The following PIK3CA variants were observed in gnomAD, a reference collection of about 807,000 sequenced individuals.
PIK3CA encodes phosphatidylinositol-4,5-bisphosphate 3-kinase catalytic subunit alpha.
In PIK3CA, 27 loss-of-function variants were observed where a neutral mutation model predicts 138.2. The ratio of observed to expected loss-of-function variants is 0.20; its 90% CI spans 0.14 to 0.27. PIK3CA has a LOEUF of 0.27. PIK3CA is among the 10% of genes least tolerant of loss of function. The probability of loss-of-function intolerance (pLI) is 1.00; values close to 1 mark genes in which losing one functional copy is unlikely to be tolerated. For synonymous variants in PIK3CA, 358 were observed against 413.2 expected, an observed-to-expected ratio of 0.87 and a Z score of 1.62; for missense variants, 544 against 1,277.4, an observed-to-expected ratio of 0.43 and a Z score of 8.75.
intron 1 of PIK3CA, among the ~76,000 whole-genome samples, chr3:179,196,854 A>G (rs1724276969): frequency 6.6e-6 from 1 of 152,168 alleles, no homozygotes; most frequent in African/African-American, 2.4e-5. Context: ...GGTCCAGACA[A>G]GAAATATTGA....
intron 1 of PIK3CA, among the ~76,000 whole-genome samples, chr3:179,179,983 CTG>C (rs1459841880): frequency 2.0e-5 from 3 of 151,512 alleles, no homozygotes; most frequent in Admixed American, 1.3e-4. Flanking sequence ...AGGCAAAAAA[CTG>C]TAAAGGGAAA....
intron 9 of PIK3CA, among the ~76,000 whole-genome samples, chr3:179,216,782 T>C (rs1724845121): frequency 6.6e-6 from 1 of 152,142 alleles, no homozygotes; most frequent in Admixed American, 6.5e-5. Flanking sequence ...CCCATCACTT[T>C]ATTCTTCTGT....
chr3:179,174,646 A>G (rs758741807), intron 1 of PIK3CA, among the ~76,000 whole-genome samples: 30 of 152,334 alleles, frequency 2.0e-4, no homozygotes, highest in Middle Eastern at 6.8e-3. Context: ...TTGGTCCACC[A>G]ATATTTGACA....
intron 20 of PIK3CA, among the ~76,000 whole-genome samples, chr3:179,231,492 C>T (rs928957247): frequency 6.6e-6 from 1 of 151,938 alleles, no homozygotes; most frequent in Non-Finnish European, 1.5e-5. Flanking sequence ...TATGGCCATT[C>T]TTGCAGGAGT....
chr3:179,193,318 C>T (rs528438959), intron 1 of PIK3CA, among the ~76,000 whole-genome samples: 20 of 152,312 alleles, frequency 1.3e-4, no homozygotes, highest in Non-Finnish European at 2.5e-4. Flanking sequence ...CTTGTATTAT[C>T]TTTTGGTCTG....
At chr3:179,151,376 G>T (rs1723010004) in intron 1 of PIK3CA, among the ~76,000 whole-genome samples, 1 of 151,932 alleles carries the variant, frequency 6.6e-6, no homozygotes, top group Admixed American at 6.6e-5. Context: ...AAGAAATTAG[G>T]GCCCAAGGAG....
chr3:179,209,742 ACTC>A (rs776800539), intron 7 of PIK3CA, 42 bp downstream of exon 7: 2 of 1,118,960 alleles, frequency 1.8e-6, no homozygotes, highest in South Asian at 1.5e-5. Flanking sequence ...ACCTTTAAAA[ACTC>A]CTGATTATAC....
intron 1 of PIK3CA, among the ~76,000 whole-genome samples, chr3:179,185,829 CTG>C (rs1292781892): frequency 6.6e-6 from 1 of 152,216 alleles, no homozygotes; most frequent in Non-Finnish European, 1.5e-5. Context: ...TCTGTGCCCT[CTG>C]TGGACACACC....
chr3:179,229,368 C>T lies in PIK3CA; in HGVS notation c.2592C>T (p.Gly864=), dbSNP rs780492649. Reference sequence around the variant, plus strand: ...CTATTATGCAAATTCAGTGCAAAGGCGGCTTGAAAGGTGCACTGCAGTTCA... The same window carrying T: ...CTATTATGCAAATTCAGTGCAAAGGTGGCTTGAAAGGTGCACTGCAGTTCA... ...SHTIMQIQCK[G]GLKGALQFNS... The change falls in exon 18 of 21, where the codon GGC becomes GGT. Residue 864 remains glycine (G), a synonymous_variant. Transcript: ENST00000263967. 1.2e-5 allele frequency: 19 copies of T among 1,613,134 alleles called. No individual in the cohort carries two copies. Among genetic ancestry groups the T allele is most frequent in the Admixed American group, 1.2e-4 (7 of 59,920 alleles).
chr3:179,217,137 G>T (rs1724853254), intron 9 of PIK3CA, among the ~76,000 whole-genome samples: 2 of 152,054 alleles, frequency 1.3e-5, no homozygotes, highest in African/African-American at 2.4e-5. Flanking sequence ...TTATTTCCGG[G>T]GTGGGAGGAA....
intron 9 of PIK3CA, among the ~76,000 whole-genome samples, chr3:179,213,970 T>C (rs897217963): frequency 1.3e-5 from 2 of 152,338 alleles, no homozygotes; most frequent in Admixed American, 6.5e-5. Flanking sequence ...AGCTTCAAAC[T>C]TTTCCTCTGA....
At chr3:179,181,027 G>A (rs1055282422) in intron 1 of PIK3CA, among the ~76,000 whole-genome samples, 1 of 152,078 alleles carries the variant, frequency 6.6e-6, no homozygotes, top group African/African-American at 2.4e-5. Flanking sequence ...CTCTATGTGT[G>A]TGTATTTGTG....
chr3:179,201,248 GAA>G (rs1724402109), intron 3 of PIK3CA, 40 bp from the exon 4 acceptor site: 1 of 1,537,534 alleles, frequency 6.5e-7, no homozygotes, highest in Non-Finnish European at 8.8e-7. Context: ...CTTGAAAAAT[GAA>G]AGAGAGATGG....
chr3:179,180,333 T>C (rs1723810083), intron 1 of PIK3CA, among the ~76,000 whole-genome samples: 1 of 152,142 alleles, frequency 6.6e-6, no homozygotes, highest in Admixed American at 6.5e-5. Context: ...TTCTGCCTTG[T>C]AGATTGTTAG....
chr3:179,198,405 T>G (rs987878558), intron 1 of PIK3CA, among the ~76,000 whole-genome samples: 5 of 152,246 alleles, frequency 3.3e-5, no homozygotes, highest in African/African-American at 1.2e-4. Context: ...AAAGGTGATA[T>G]GCAATGGGAA....
chr3:179,189,867 C>A (rs759496893), intron 1 of PIK3CA, among the ~76,000 whole-genome samples: 2 of 152,140 alleles, frequency 1.3e-5, no homozygotes, highest in African/African-American at 4.8e-5. Flanking sequence ...TGTTTTCTCA[C>A]GGCCAGCTTT....
At chr3:179,170,588 A>G (rs1022509159) in intron 1 of PIK3CA, among the ~76,000 whole-genome samples, 1 of 152,154 alleles carries the variant, frequency 6.6e-6, no homozygotes, top group Non-Finnish European at 1.5e-5. Flanking sequence ...CAGTAAGGAC[A>G]GTGTGAGGAG....
chr3:179,207,030 T>G (rs1724580086), intron 6 of PIK3CA, among the ~76,000 whole-genome samples: 1 of 152,178 alleles, frequency 6.6e-6, no homozygotes. Context: ...TTAAGCATTC[T>G]GTAGTCTAAA....
chr3:179,171,405 A>C (rs1723555343), intron 1 of PIK3CA, among the ~76,000 whole-genome samples: 1 of 152,246 alleles, frequency 6.6e-6, no homozygotes, highest in Middle Eastern at 3.4e-3. Context: ...AGAAAGAGTA[A>C]AGTGTACCAA....
Sources: allele counts gnomAD v4.1 joint callset (sites outside exome capture counted in the v4.1 genomes callset), GRCh38; gene constraint gnomAD v4.1.1; transcripts MANE v1.5; gene names NCBI Gene and HGNC (gene_info 2026-07-23, HGNC 2026-07-21).